The following GALNT13 variants were observed in gnomAD, a reference collection of about 807,000 sequenced individuals.
The protein encoded by GALNT13 is UDP-GalNAc:polypeptide N-acetylgalactosaminyltransferase 13.
GALNT13 carries 28 observed loss-of-function variants against 64.2 expected under a neutral mutation model. The observed-to-expected ratio is 0.44, with a 90% CI of 0.32 to 0.60. The LOEUF (loss-of-function observed/expected upper bound fraction) is 0.60, where lower values mean the gene tolerates loss of function less well. Among genes scored for constraint, GALNT13 ranks in the 20% least tolerant of loss-of-function variants. GALNT13 has a pLI of 0.05. For missense variants in GALNT13, 577 were observed against 669.8 expected, an observed-to-expected ratio of 0.86 and a Z score of 1.53; for synonymous variants, 214 against 224.6, an observed-to-expected ratio of 0.95 and a Z score of 0.42.
the GALNT13 span, among the ~76,000 whole-genome samples, chr2:153,558,711 T>C: frequency 6.6e-6 from 1 of 152,230 alleles, no homozygotes. Context: ...ACAGCATTCC[T>C]GGACATGGAT....
At chr2:153,999,267 T>G (rs1695733942) in intron 3 of GALNT13, among the ~76,000 whole-genome samples, 2 of 133,282 alleles carry the variant, frequency 1.5e-5, no homozygotes, top group African/African-American at 5.3e-5. Flanking sequence ...CCATATGAAC[T>G]TCCTTTTTTT....
chr2:153,645,503 G>A, the GALNT13 span, among the ~76,000 whole-genome samples: 1 of 151,726 alleles, frequency 6.6e-6, no homozygotes, highest in East Asian at 1.9e-4. Context: ...ATTTCTTTTG[G>A]CTTAGAGAAA....
At chr2:153,253,309 CATTGA>C in the GALNT13 span, among the ~76,000 whole-genome samples, 4 of 144,990 alleles carry the variant, frequency 2.8e-5, no homozygotes, top group African/African-American at 1.1e-4. Context: ...GATTTTTGTA[CATTGA>C]TTTTGTATCC....
At chr2:153,951,068 A>G (rs1376828115) in intron 3 of GALNT13, among the ~76,000 whole-genome samples, 4 of 152,124 alleles carry the variant, frequency 2.6e-5, no homozygotes, top group East Asian at 1.9e-4. Flanking sequence ...GCCAAAAAAG[A>G]CTAATTATGA....
the GALNT13 span, among the ~76,000 whole-genome samples, chr2:153,343,450 A>G: frequency 6.6e-6 from 1 of 152,190 alleles, no homozygotes; most frequent in Non-Finnish European, 1.5e-5. Flanking sequence ...CTTACCATGC[A>G]CATTAGATAA....
the GALNT13 span, among the ~76,000 whole-genome samples, chr2:153,637,728 A>G: frequency 6.6e-6 from 1 of 152,166 alleles, no homozygotes. Flanking sequence ...CTAGAATATA[A>G]TCTGTGTATG....
the GALNT13 span, among the ~76,000 whole-genome samples, chr2:153,239,695 A>G: frequency 6.6e-6 from 1 of 152,176 alleles, no homozygotes; most frequent in African/African-American, 2.4e-5. Flanking sequence ...CATGATGAAT[A>G]ATCTTTTTAA....
intron 3 of GALNT13, among the ~76,000 whole-genome samples, chr2:154,097,406 A>G (rs953432616): frequency 4.6e-5 from 7 of 152,136 alleles, no homozygotes; most frequent in Non-Finnish European, 8.8e-5. Flanking sequence ...CTGTTCAGCA[A>G]CAGATCCTGC....
the GALNT13 span, among the ~76,000 whole-genome samples, chr2:153,866,842 A>C: frequency 6.6e-6 from 1 of 152,212 alleles, no homozygotes; most frequent in Non-Finnish European, 1.5e-5. Flanking sequence ...AAATGATGAG[A>C]AAATTTGTCT....
chr2:154,214,153 A>T (rs893561125), intron 4 of GALNT13, among the ~76,000 whole-genome samples: 3 of 152,184 alleles, frequency 2.0e-5, no homozygotes, highest in African/African-American at 7.2e-5. Flanking sequence ...TTTCTCAGTG[A>T]CTAACTCTAC....
chr2:153,559,013 T>C, the GALNT13 span, among the ~76,000 whole-genome samples: 1 of 151,930 alleles, frequency 6.6e-6, no homozygotes, highest in African/African-American at 2.4e-5. Context: ...TAAAAATGAA[T>C]ATTAGCAACT....
chr2:154,323,910 T>A (rs759734791), intron 9 of GALNT13, among the ~76,000 whole-genome samples: 1 of 152,094 alleles, frequency 6.6e-6, no homozygotes, highest in Non-Finnish European at 1.5e-5. Context: ...TTTTGCAGCA[T>A]CCCAGCAAGT....
chr2:153,896,081 A>ATATATATATTTTTTTTTTTT (rs1574065409), intron 1 of GALNT13, among the ~76,000 whole-genome samples: 2 of 136,808 alleles, frequency 1.5e-5, no homozygotes, highest in African/African-American at 2.8e-5. Flanking sequence ...ATGATTTTAT[A>ATATATATATTTTTTTTTTTT]TTTTTATGTT....
the GALNT13 span, among the ~76,000 whole-genome samples, chr2:153,386,115 C>G: frequency 6.6e-6 from 1 of 151,806 alleles, no homozygotes; most frequent in Non-Finnish European, 1.5e-5. Context: ...ATTTCATGTT[C>G]CACATATGCA....
chr2:153,204,638 A>T, the GALNT13 span, among the ~76,000 whole-genome samples: 4 of 151,310 alleles, frequency 2.6e-5, no homozygotes, highest in African/African-American at 9.8e-5. Flanking sequence ...TCTCCCAGGA[A>T]CCCTAGAATA....
chr2:153,780,232 TATATATATATATATATATATATATATGC>T, the GALNT13 span, among the ~76,000 whole-genome samples: 1 of 9,318 alleles, frequency 1.1e-4, no homozygotes, highest in Non-Finnish European at 8.1e-4. Flanking sequence ...TATATATATA[TATATATATATATATATATATATATATGC>T]ATATATATAT....
At chr2:153,236,662 A>G in the GALNT13 span, among the ~76,000 whole-genome samples, 1 of 152,038 alleles carries the variant, frequency 6.6e-6, no homozygotes, top group African/African-American at 2.4e-5. Flanking sequence ...TACTGCTTAG[A>G]AAAAAAATAT....
In GALNT13 at chr2:154,149,986, G is replaced by C. The variant is rs868024071; in HGVS notation, c.311+9481G>C. On this transcript the variant is annotated intron_variant, in intron 4 of 12. Coordinates refer to ENST00000392825, the MANE Select transcript of GALNT13 (RefSeq NM_052917.4). ...TATGTTGAATAGGAGTGGTGAGAGA[G>C]GGCATCCCTGTCTTGTGCCCGTTTT... 5.9e-5 allele frequency among the ~76,000 whole-genome samples: 9 copies of C among 152,254 alleles called. 1 individual carries two copies. Among genetic ancestry groups the C allele is most frequent in the African/African-American group, 2.2e-4 (9 of 41,550 alleles).
At chr2:154,156,359 T>C (rs2105647583) in intron 4 of GALNT13, among the ~76,000 whole-genome samples, 1 of 152,192 alleles carries the variant, frequency 6.6e-6, no homozygotes, top group East Asian at 1.9e-4. Context: ...ATAGTTCCTA[T>C]CCTTGATAAG....
Sources: allele counts gnomAD v4.1 joint callset (sites outside exome capture counted in the v4.1 genomes callset), GRCh38; gene constraint gnomAD v4.1.1; transcripts MANE v1.5; gene names NCBI Gene and HGNC (gene_info 2026-07-23, HGNC 2026-07-21).